Variants in CBLB observed in about 807,000 individuals in gnomAD.
The protein encoded by CBLB is Cbl proto-oncogene B, also known as E3 ubiquitin-protein ligase CBL-B.
In CBLB, 31 loss-of-function variants were observed where a neutral mutation model predicts 104.9. The ratio of observed to expected loss-of-function variants is 0.30; its 90% CI spans 0.22 to 0.40. The LOEUF (loss-of-function observed/expected upper bound fraction) is 0.40, where lower values mean the gene tolerates loss of function less well. CBLB is among the 10% of genes least tolerant of loss of function. CBLB has a pLI of 1.00. For synonymous variants in CBLB, 440 were observed against 422.6 expected (o/e 1.04, Z -0.51); for missense variants, 1,062 against 1,214.6 (o/e 0.87, Z 1.87).
chr3:105,769,391 T>C (rs1455633376), intron 4 of CBLB, among the ~76,000 whole-genome samples: 1 of 152,104 alleles, frequency 6.6e-6, no homozygotes, highest in Non-Finnish European at 1.5e-5. Context: ...ATAAGTAAGA[T>C]GCAGTCTCTG....
chr3:105,765,465 A>T lies in CBLB; in HGVS notation c.566+10931T>A, dbSNP rs149568263. Among the ~76,000 whole-genome samples, 443 of 152,284 alleles carry T rather than the reference A, an allele frequency of 2.9e-3. 1 individual carries two copies. Among genetic ancestry groups the T allele is most frequent in the Middle Eastern group, 0.014 (4 of 294 alleles). ...TACCAGACAATTTGTCAGCACCTTG[A>T]TCTTGGACTTCCTAGCCTTCAGAAC... On this transcript the variant is annotated intron_variant, in intron 4 of 18. Coordinates refer to ENST00000394030, the MANE Select transcript of CBLB (RefSeq NM_170662.5).
intron 12 of CBLB, among the ~76,000 whole-genome samples, chr3:105,697,792 G>T (rs954285363): frequency 6.6e-6 from 1 of 152,042 alleles, no homozygotes; most frequent in African/African-American, 2.4e-5. Flanking sequence ...GTTAAAGATA[G>T]TTTTATCATA....
chr3:105,749,388 T>C (rs2076394925), intron 5 of CBLB, among the ~76,000 whole-genome samples: 1 of 152,172 alleles, frequency 6.6e-6, no homozygotes, highest in African/African-American at 2.4e-5. Flanking sequence ...TCTTTTCCCA[T>C]CCCAGTGAAA....
intron 5 of CBLB, among the ~76,000 whole-genome samples, chr3:105,746,417 AGAAG>A (rs1180334505): frequency 2.6e-5 from 4 of 152,222 alleles, no homozygotes; most frequent in African/African-American, 9.6e-5. Context: ...TATATCACTT[AGAAG>A]GACTTTACAA....
chr3:105,776,486 G>A lies in CBLB; in HGVS notation c.476C>T (p.Ala159Val). The change falls in exon 4 of 19, where the codon GCA becomes GTA. Residue 159 changes from alanine (A) to valine (V), a missense_variant. Around this residue, in one of 2 missense-constraint regions of CBLB, gnomAD observed 457 missense variants for 632.0 expected, o/e 0.72. Transcript: ENST00000394030. ...IFSHMLAEIK[A>V]IFPNGQFQGD... The stretch of plus-strand genomic sequence containing the variant: ...CTGGAATTGACCATTGGGAAAGATT[G>A]CTTTGATTTCTGCCAGCATGTGACT... 1.9e-6 allele frequency: 3 copies of A among 1,613,716 alleles called. No homozygotes were observed. The highest frequency in any genetic ancestry group is 2.5e-6 in the Non-Finnish European group (3 of 1,179,776).
intron 3 of CBLB, among the ~76,000 whole-genome samples, chr3:105,834,125 G>A (rs971413128): frequency 6.6e-6 from 1 of 151,966 alleles, no homozygotes; most frequent in Non-Finnish European, 1.5e-5. Flanking sequence ...AAGAGCTATT[G>A]GTCAAAGGAT....
chr3:105,768,320 C>A (rs2078458083), intron 4 of CBLB, among the ~76,000 whole-genome samples: 1 of 152,050 alleles, frequency 6.6e-6, no homozygotes, highest in Non-Finnish European at 1.5e-5. Flanking sequence ...TTATAAAAAT[C>A]TTCAAGTAGA....
chr3:105,820,423 T>C (rs960153734), intron 3 of CBLB, among the ~76,000 whole-genome samples: 3 of 152,128 alleles, frequency 2.0e-5, no homozygotes, highest in Non-Finnish European at 2.9e-5. Flanking sequence ...GAATTTAAAA[T>C]AGTAGAAGCA....
intron 3 of CBLB, among the ~76,000 whole-genome samples, chr3:105,846,537 T>C (rs1479966100): frequency 6.6e-6 from 1 of 152,132 alleles, no homozygotes; most frequent in Non-Finnish European, 1.5e-5. Context: ...AACAACTTAA[T>C]TTTCATTTGT....
chr3:105,822,272 A>T (rs1280354884), intron 3 of CBLB, among the ~76,000 whole-genome samples: 1 of 152,182 alleles, frequency 6.6e-6, no homozygotes, highest in Non-Finnish European at 1.5e-5. Flanking sequence ...CTGCTCAAGG[A>T]AAGCTGGCTG....
At chr3:105,791,329 TTGA>T (rs1311016081) in intron 3 of CBLB, among the ~76,000 whole-genome samples, 1 of 152,222 alleles carries the variant, frequency 6.6e-6, no homozygotes, top group East Asian at 1.9e-4. Context: ...AATCACACTG[TTGA>T]TGTACTTCTG....
chr3:105,670,394 T>G, intron 17 of CBLB, 42 bp from the exon 18 acceptor site: 3 of 1,555,034 alleles, frequency 1.9e-6, no homozygotes, highest in Non-Finnish European at 2.7e-6. Context: ...GGATGATCTC[T>G]GTTGATTGGC....
intron 3 of CBLB, among the ~76,000 whole-genome samples, chr3:105,803,919 T>C (rs899463314): frequency 6.6e-6 from 1 of 152,084 alleles, no homozygotes; most frequent in African/African-American, 2.4e-5. Context: ...ATTACAGGAG[T>C]GATTTTTAGG....
intron 17 of CBLB, among the ~76,000 whole-genome samples, chr3:105,675,616 G>C (rs1392644427): frequency 6.6e-6 from 1 of 152,112 alleles, no homozygotes; most frequent in Non-Finnish European, 1.5e-5. Context: ...GGGTGCAGTG[G>C]TTCACGCCTG....
chr3:105,803,411 T>C (rs913682615), intron 3 of CBLB, among the ~76,000 whole-genome samples: 2 of 152,182 alleles, frequency 1.3e-5, no homozygotes, highest in Non-Finnish European at 2.9e-5. Flanking sequence ...ACGGCTCCTT[T>C]CAAAGTGTCA....
chr3:105,736,697 A>G (rs910390292), intron 8 of CBLB, among the ~76,000 whole-genome samples: 2 of 152,144 alleles, frequency 1.3e-5, no homozygotes, highest in African/African-American at 4.8e-5. Context: ...ATTTTCACTT[A>G]GATTTTTATA....
At chr3:105,739,190 GT>G (rs1250432887) in intron 7 of CBLB, among the ~76,000 whole-genome samples, 9 of 152,146 alleles carry the variant, frequency 5.9e-5, no homozygotes, top group Non-Finnish European at 1.0e-4. Context: ...GATTACAGGC[GT>G]AAGCCACCAC....
intron 4 of CBLB, among the ~76,000 whole-genome samples, chr3:105,773,801 G>C (rs2079144787): frequency 1.3e-5 from 2 of 152,172 alleles, no homozygotes. Context: ...GAAAGGAAAA[G>C]CATGACTGCA....
intron 13 of CBLB, among the ~76,000 whole-genome samples, chr3:105,687,831 T>C (rs1313391071): frequency 6.6e-6 from 1 of 150,888 alleles, no homozygotes; most frequent in Non-Finnish European, 1.5e-5. Flanking sequence ...AAAAAACTGG[T>C]TTCTATCAAA....
Sources: gnomAD v4.1 joint callset for allele counts (sites outside exome capture counted in the v4.1 genomes callset) on GRCh38, gnomAD v4.1.1 for gene constraint, gnomAD v4.1.1 regional missense constraint, MANE v1.5 for transcripts, NCBI Gene and HGNC (gene_info 2026-07-23, HGNC 2026-07-21) for gene names.